GAK: variants seen among roughly 807,000 people sequenced by gnomAD.
GAK encodes cyclin G associated kinase.
In GAK, 79 loss-of-function variants were observed where a neutral mutation model predicts 143.9. The observed-to-expected ratio is 0.55, with a 90% confidence interval of 0.46 to 0.66. The LOEUF is 0.66. GAK is among the 30% of genes least tolerant of loss of function. The pLI, the probability that GAK is intolerant of heterozygous loss-of-function variation, is 0.00. For missense variants in GAK, 1,693 were observed against 1,779.7 expected, an observed-to-expected ratio of 0.95 and a Z score of 0.88; for synonymous variants, 881 against 765.5, an observed-to-expected ratio of 1.15 and a Z score of -2.49.
intron 10 of GAK, among the ~76,000 whole-genome samples, chr4:890,030 T>C (rs1285648609): frequency 6.6e-6 from 1 of 152,154 alleles, no homozygotes; most frequent in African/African-American, 2.4e-5. Context: ...GTCGCTACTG[T>C]AGTAAATGGT....
intron 5 of GAK, among the ~76,000 whole-genome samples, chr4:898,602 C>T (rs190459379): frequency 4.6e-5 from 7 of 152,368 alleles, no homozygotes; most frequent in African/African-American, 1.7e-4. Flanking sequence ...TGGCTCACGC[C>T]TGTAATCCCA....
rs958226533 is a variant in GAK at position 870,431 on chromosome 4, C to T, written c.2248+280G>A. Among the ~76,000 whole-genome samples, 23 of 152,346 alleles carry T rather than the reference C, an allele frequency of 1.5e-4. 5 individuals are homozygous for T. Among genetic ancestry groups the T allele is most frequent in the East Asian group, 1.9e-4 (1 of 5,180 alleles). Reference sequence around the variant, plus strand: ...ACCCAGACACACGCCTGGGACAAAACCCCGCTTCGCTCCAGGAGCCTGGGT... The same window carrying T: ...ACCCAGACACACGCCTGGGACAAAATCCCGCTTCGCTCCAGGAGCCTGGGT... On this transcript the variant is annotated intron_variant, in intron 19 of 27. Coordinates refer to ENST00000314167, the MANE Select transcript of GAK (RefSeq NM_005255.4).
chr4:883,866 G>A (rs1434655706), intron 12 of GAK, among the ~76,000 whole-genome samples, 171 bp downstream of exon 12: 1 of 152,246 alleles, frequency 6.6e-6, no homozygotes, highest in Non-Finnish European at 1.5e-5. Context: ...GCGCCTGGAG[G>A]TGCTGAGCAC....
At position 893,910 on chromosome 4, in the gene GAK, G is replaced by A. The variant is rs143895569; in HGVS notation, c.841C>T (p.His281Tyr). ...IVNGKYSIPP[H>Y]DTQYTVFHSL... ...TGGAAGACCGTGTACTGCGTGTCGTGCGGGGGGATCGAGTACTTCCCATTG... is the reference window on the plus strand; with the variant it reads ...TGGAAGACCGTGTACTGCGTGTCGTACGGGGGGATCGAGTACTTCCCATTG... Residue 281 changes from histidine (H) to tyrosine (Y), a missense_variant, in exon 8 of 28, where the codon CAC becomes TAC. Physicochemically the swap from His to Tyr is moderately conservative, Grantham distance 83 (BLOSUM62 2). This residue lies in a region of GAK where 871 missense variants were observed against 991.0 expected (regional missense o/e 0.88). Transcript: ENST00000314167. 1.2e-3 allele frequency: 1,983 copies of A among 1,611,704 alleles called. 10 individuals carry two copies. The highest frequency in any genetic ancestry group is 9.3e-3 in the Middle Eastern group (56 of 6,052).
intron 1 of GAK, among the ~76,000 whole-genome samples, chr4:921,264 G>A (rs551165436): frequency 1.2e-4 from 18 of 152,196 alleles, no homozygotes; most frequent in Admixed American, 7.9e-4. Flanking sequence ...CACCACGCCC[G>A]GCTAATTTTT....
rs1169233689 is a variant in GAK, at chr4:932,255, C to G, written c.-68G>C. The G allele has an allele frequency of 2.7e-6, 4 of 1,456,118 alleles. No individual in the cohort carries two copies. The South Asian group carries it at 4.2e-5, about 15-fold the overall frequency. The allele number at this position is 1,456,118 out of a possible 1,614,324, so 90.2% of individuals were successfully genotyped here. A position where few individuals can be genotyped will look rare whatever the true frequency, so the allele number is the denominator to read the frequency against. On this transcript the variant is annotated 5_prime_UTR_variant, in exon 1 of 28. Transcript: ENST00000314167. The surrounding 1 kb of genome is among the most constrained non-coding windows in gnomAD (Gnocchi z 4.0). The stretch of plus-strand genomic sequence containing the variant: ...GCTCGGGCTCCCGCTCCCTCGCCGT[C>G]CGGGTCAGCTCAGCAACCGCCGGCC...
chr4:931,857 T>G (rs994531874), intron 1 of GAK, among the ~76,000 whole-genome samples, 186 bp downstream of exon 1: 2 of 152,136 alleles, frequency 1.3e-5, no homozygotes, highest in African/African-American at 4.8e-5. Context: ...GCCCGCGCTA[T>G]GACCTTCGCC....
At chr4:920,473 A>G (rs1032766726) in intron 1 of GAK, among the ~76,000 whole-genome samples, 12 of 151,922 alleles carry the variant, frequency 7.9e-5, no homozygotes, top group African/African-American at 2.7e-4. Flanking sequence ...CAGGAAGGAG[A>G]AGGTCCCAGA....
chr4:907,458 G>A (rs1031563312), intron 4 of GAK, among the ~76,000 whole-genome samples: 20 of 152,240 alleles, frequency 1.3e-4, no homozygotes, highest in Non-Finnish European at 2.6e-4. Context: ...GGCCAGGCCC[G>A]GGGAGTCAGA....
chr4:898,289 G>C (rs1273905249), intron 5 of GAK, 131 bp from the exon 6 acceptor site: 1 of 994,094 alleles, frequency 1.0e-6, no homozygotes, highest in Non-Finnish European at 1.5e-6. Context: ...CGGCTGCCGG[G>C]TGCCTGCAGC....
intron 16 of GAK, 68 bp from the exon 17 acceptor site, chr4:877,275 A>C (rs1714137042): frequency 9.4e-7 from 1 of 1,068,038 alleles, no homozygotes; most frequent in Admixed American, 1.8e-5. Context: ...AACAACAAAA[A>C]ACAGAATGAG....
intron 18 of GAK, among the ~76,000 whole-genome samples, chr4:876,204 G>C (rs954316695): frequency 6.6e-6 from 1 of 152,014 alleles, no homozygotes; most frequent in Non-Finnish European, 1.5e-5. Context: ...CCTCCGCCTG[G>C]CAGGGCACTC....
At chr4:901,351 GT>G (rs1719840129) in intron 5 of GAK, among the ~76,000 whole-genome samples, 1 of 150,654 alleles carries the variant, frequency 6.6e-6, no homozygotes, top group Non-Finnish European at 1.5e-5. Context: ...CAGGGCACAC[GT>G]GGAGAGCCAC....
chr4:894,025 G>T lies in GAK; in HGVS notation c.742-16C>A. 3 of 1,584,642 alleles carry T rather than the reference G, an allele frequency of 1.9e-6. No individual in the cohort carries two copies. In the South Asian group the frequency reaches 3.5e-5, roughly 18 times the overall value. ...AGCCCAGGGCCTGCGGGGAGAGCAG[G>T]GGTGATGCCTAGGCCCACGGGGAGC... On this transcript the variant is annotated splice_polypyrimidine_tract_variant and intron_variant, in intron 7 of 27. Coordinates refer to ENST00000314167, the MANE Select transcript of GAK (RefSeq NM_005255.4).
chr4:922,178 A>G (rs536881175), intron 1 of GAK, among the ~76,000 whole-genome samples: 1 of 152,320 alleles, frequency 6.6e-6, no homozygotes, highest in East Asian at 1.9e-4. Context: ...TGGTGTCCTT[A>G]TAAGATGAAG....
rs751841802 is a variant in GAK, at chr4:859,595, CT to C, written c.3283+10del. The C allele has an allele frequency of 6.3e-7, 1 of 1,592,590 alleles. No homozygotes were observed. The highest frequency in any genetic ancestry group is 1.1e-5 in the South Asian group (1 of 90,570). On this transcript the variant is annotated intron_variant, in intron 24 of 27. Transcript: ENST00000314167. Reference sequence around the variant, plus strand: ...ACAGCTTCCACACCCCCAAAGTGCCCTCCACGTTACCTTGGAGGCCGGAGCT... The same window carrying C: ...ACAGCTTCCACACCCCCAAAGTGCCCCCACGTTACCTTGGAGGCCGGAGCT...
chr4:853,541 G>T (rs532257971), intron 24 of GAK: 1 of 152,420 alleles, frequency 6.6e-6, no homozygotes, highest in African/African-American at 2.4e-5. Context: ...GGCAATGCGC[G>T]AGACACGCGG....
chr4:866,570 C>T (rs200192853), intron 21 of GAK, 36 bp from the exon 22 acceptor site: 29 of 1,600,034 alleles, frequency 1.8e-5, no homozygotes, highest in South Asian at 5.6e-5. Flanking sequence ...GGACTCAGCC[C>T]GGCTGCCTGA....
chr4:884,292 G>T, intron 11 of GAK: 3 of 551,998 alleles, frequency 5.4e-6, no homozygotes, highest in South Asian at 4.4e-5. Context: ...CATCAGAAAC[G>T]GATGGAAATG....
Sources: gnomAD v4.1 joint callset for allele counts (sites outside exome capture counted in the v4.1 genomes callset) on GRCh38, gnomAD v4.1.1 for gene constraint, gnomAD v4.1.1 regional missense constraint, Gnocchi (gnomAD v3.1) non-coding constraint, MANE v1.5 for transcripts, NCBI Gene and HGNC (gene_info 2026-07-23, HGNC 2026-07-21) for gene names.